RPL36A: variants seen among roughly 807,000 people sequenced by gnomAD.
RPL36A encodes large ribosomal subunit protein eL42.
For synonymous variants in RPL36A, 25 were observed against 28.5 expected (o/e 0.88, Z 0.39); for missense variants, 20 against 81.0 (o/e 0.25, Z 2.89).
intron 2 of RPL36A, 36 bp from the exon 3 acceptor site, chrX:101,391,719 C>G (rs782345921): frequency 1.7e-6 from 2 of 1,205,202 alleles, no homozygotes; most frequent in Non-Finnish European, 2.2e-6. Context: ...TGCTGATCTT[C>G]AGTATTTTAT....
chrX:101,391,829 GGTA>G lies in RPL36A; in HGVS notation c.177+10_177+12del. On this transcript the variant is annotated splice_region_variant and intron_variant, in intron 3 of 4. Coordinates refer to ENST00000553110, the MANE Select transcript of RPL36A (RefSeq NM_021029.6). The stretch of plus-strand genomic sequence containing the variant: ...GCCGATTTTCCGGAAAAAGGTGAGT[GGTA>G]GTTACTATTTGACGTTTCCCAGTTA... 1 of 1,207,151 alleles carries G rather than the reference GGTA, an allele frequency of 8.3e-7. No individual in the cohort carries two copies. The highest frequency in any genetic ancestry group is 1.1e-6 in the Non-Finnish European group (1 of 893,854).
chrX:101,391,890 C>G, intron 3 of RPL36A, 68 bp downstream of exon 3: 1 of 1,194,910 alleles, frequency 8.4e-7, no homozygotes, highest in Non-Finnish European at 1.1e-6. Flanking sequence ...GTCTCTAGTC[C>G]ACACACTTCA....
rs1379548079 is a variant in RPL36A, at chrX:101,394,856, C to G, written c.178-479C>G. Among the ~76,000 whole-genome samples, 14 of 95,646 alleles carry G rather than the reference C, an allele frequency of 1.5e-4. No homozygotes were observed. The Admixed American group carries it at 1.6e-3, about 11-fold the overall frequency. The allele number at this position is 95,646 out of a possible 115,157, so 83.1% of individuals were successfully genotyped here. ...CTGGAGTGCAGTGGTGCGATCTCTG[C>G]TCACTGCAACTTCCGCCCACCTCCC... On this transcript the variant is annotated intron_variant, in intron 3 of 4. Coordinates refer to ENST00000553110, the MANE Select transcript of RPL36A (RefSeq NM_021029.6).
In RPL36A at chrX:101,391,054, TTGC is replaced by T; in HGVS notation, c.3+11_3+13del. On this transcript the variant is annotated intron_variant, in intron 1 of 4. Transcript: ENST00000553110. ...AGCGCTCACGCAAGCATGGTAGGAC[TTGC>T]TGGTGGGGGCCGAGTAACATCCAGC... The T allele has an allele frequency of 8.3e-7, 1 of 1,209,146 alleles. No homozygotes were observed. Among genetic ancestry groups the T allele is most frequent in the African/African-American group, 1.7e-5 (1 of 57,927 alleles).
At position 101,395,627 on chromosome X, in the gene RPL36A, C is replaced by T; in HGVS notation, c.301-101C>T. 5 of 1,077,817 alleles carry T rather than the reference C, an allele frequency of 4.6e-6. No homozygotes were observed. In the South Asian group the frequency reaches 9.9e-5, roughly 21 times the overall value. 88.8% of individuals were successfully genotyped at this position (1,077,817 alleles called of 1,213,427 possible). On this transcript the variant is annotated intron_variant, in intron 4 of 4. Transcript: ENST00000553110. ...TACAAGGAGGAAAGGAAGAATGAGG[C>T]AGCTTAACAGCATGGTGAGTATTTT...
At chrX:101,391,303 C>T in intron 1 of RPL36A, 156 bp from the exon 2 acceptor site, 3 of 687,460 alleles carry the variant, frequency 4.4e-6, no homozygotes, top group Non-Finnish European at 6.7e-6. Context: ...AGGGAGGAAG[C>T]TCTGCTTGAA....
chrX:101,391,453 T>C lies in RPL36A; in HGVS notation c.4-6T>C. On this transcript the variant is annotated splice_region_variant and splice_polypyrimidine_tract_variant and intron_variant, in intron 1 of 4. Transcript: ENST00000553110. Reference sequence around the variant, plus strand: ...CATTGCACGTTCTGAACTGTTTCTTTACTAGGTTAACGTCCCTAAAACCCG... The same window carrying C: ...CATTGCACGTTCTGAACTGTTTCTTCACTAGGTTAACGTCCCTAAAACCCG... 1 of 1,210,760 alleles carries C rather than the reference T, an allele frequency of 8.3e-7. No individual in the cohort carries two copies. The highest frequency in any genetic ancestry group is 1.1e-6 in the Non-Finnish European group (1 of 895,148).
intron 3 of RPL36A, 194 bp downstream of exon 3, chrX:101,392,016 G>A (rs1555983524): frequency 8.6e-7 from 1 of 1,163,745 alleles, no homozygotes; most frequent in Non-Finnish European, 1.1e-6. Context: ...CACTATTTCA[G>A]TGTTTACGAT....
chrX:101,395,973 C>T lies in RPL36A; in HGVS notation c.*225C>T. The T allele has an allele frequency of 2.5e-6, 1 of 398,009 alleles. No individual in the cohort carries two copies. The highest frequency in any genetic ancestry group is 4.7e-5 in the South Asian group (1 of 21,247). 32.8% of individuals were successfully genotyped at this position (398,009 alleles called of 1,213,427 possible). ...ATTTGGCACTTCAATCACTAGGGGC[C>T]TTATGAGGCAGTTTGTCATTATGCA... On this transcript the variant is annotated 3_prime_UTR_variant, in exon 5 of 5. Coordinates refer to ENST00000553110, the MANE Select transcript of RPL36A (RefSeq NM_021029.6).
chrX:101,391,173 C>A, intron 1 of RPL36A, 127 bp downstream of exon 1: 1 of 797,213 alleles, frequency 1.3e-6, no homozygotes, highest in Non-Finnish European at 1.9e-6. Flanking sequence ...CCCAATCTTG[C>A]CGGGATCAAC....
At position 101,395,775 on chromosome X, in the gene RPL36A, A is replaced by G. The variant is rs1256949131; in HGVS notation, c.*27A>G. 5 of 1,176,580 alleles carry G rather than the reference A, an allele frequency of 4.2e-6. No individual in the cohort carries two copies. The highest frequency in any genetic ancestry group is 5.8e-6 in the Non-Finnish European group (5 of 866,448). On this transcript the variant is annotated 3_prime_UTR_variant, in exon 5 of 5. Coordinates refer to ENST00000553110, the MANE Select transcript of RPL36A (RefSeq NM_021029.6). ...TGTCATCTTTTATTATGAAGACAAT[A>G]AAATCTTGAGTTTATGTTCACTTCA... is the stretch of plus-strand genomic sequence containing the variant.
intron 3 of RPL36A, chrX:101,393,383 A>T (rs1289714485): frequency 9.0e-6 from 1 of 111,680 alleles, no homozygotes; most frequent in Non-Finnish European, 1.9e-5. Context: ...GGGATGGTTA[A>T]TGGGTACAAA....
intron 3 of RPL36A, among the ~76,000 whole-genome samples, chrX:101,394,819 C>G (rs1449060739): frequency 1.3e-5 from 1 of 77,496 alleles, no homozygotes; most frequent in Non-Finnish European, 2.4e-5. Flanking sequence ...GATGGAGTCT[C>G]TGTTTCCCTG....
chrX:101,395,190 T>C (rs1555984145), intron 3 of RPL36A, 145 bp from the exon 4 acceptor site: 1 of 513,672 alleles, frequency 1.9e-6, no homozygotes, highest in Non-Finnish European at 2.9e-6. Context: ...TACTGAGTAC[T>C]ATTTAAAGCA....
At chrX:101,394,801 T>A in intron 3 of RPL36A, among the ~76,000 whole-genome samples, 1 of 72,630 alleles carries the variant, frequency 1.4e-5, no homozygotes, top group Admixed American at 1.5e-4. Flanking sequence ...TTTTTTTTTT[T>A]TTTTTGAGAT....
intron 3 of RPL36A, chrX:101,392,050 A>T: frequency 8.7e-7 from 1 of 1,154,595 alleles, no homozygotes; most frequent in Non-Finnish European, 1.2e-6. Context: ...CCTTCTGAAG[A>T]GGCAAAAAAT....
At chrX:101,394,062 G>T (rs919444034) in intron 3 of RPL36A, among the ~76,000 whole-genome samples, 7 of 111,927 alleles carry the variant, frequency 6.3e-5, no homozygotes, top group African/African-American at 1.3e-4. Flanking sequence ...GTGCGTGGTG[G>T]CTCGCGCCTG....
intron 3 of RPL36A, chrX:101,392,646 A>T (rs1205076132): frequency 1.2e-5 from 9 of 751,603 alleles, no homozygotes; most frequent in Non-Finnish European, 1.4e-5. Flanking sequence ...CTTATTAGGA[A>T]ATTGAGTATT....
intron 1 of RPL36A, 67 bp downstream of exon 1, chrX:101,391,113 T>A (rs1927781179): frequency 9.0e-6 from 10 of 1,114,567 alleles, no homozygotes; most frequent in Admixed American, 8.7e-5. Flanking sequence ...TCGCCCGTGC[T>A]ATGCCGGGAT....
Sources: allele counts gnomAD v4.1 joint callset (sites outside exome capture counted in the v4.1 genomes callset), GRCh38; gene constraint gnomAD v4.1.1; transcripts MANE v1.5; gene names NCBI Gene and HGNC (gene_info 2026-07-23, HGNC 2026-07-21).